DNMBP: variants seen among roughly 807,000 people sequenced by gnomAD.
The protein encoded by DNMBP is dynamin binding protein.
DNMBP carries 87 observed loss-of-function variants against 150.0 expected under a neutral mutation model. The observed-to-expected ratio is 0.58, with a 90% CI of 0.49 to 0.69. DNMBP has a LOEUF of 0.69. Ranked by LOEUF, DNMBP falls within the 30% of genes least tolerant of loss-of-function variation. DNMBP has a pLI of 0.00. For synonymous variants in DNMBP, 711 were observed against 750.4 expected (o/e 0.95, Z 0.86); for missense variants, 1,774 against 1,949.0 (o/e 0.91, Z 1.69).
intron 6 of DNMBP, among the ~76,000 whole-genome samples, chr10:99,900,878 G>A (rs1456629410): frequency 1.3e-5 from 2 of 152,138 alleles, no homozygotes; most frequent in Non-Finnish European, 2.9e-5. Flanking sequence ...ACTGGATAAA[G>A]TATATTACAT....
chr10:99,882,010 G>T (rs1259156880), intron 15 of DNMBP, among the ~76,000 whole-genome samples: 1 of 152,182 alleles, frequency 6.6e-6, no homozygotes, highest in Non-Finnish European at 1.5e-5. Flanking sequence ...CCCCAGCAGG[G>T]TCAGCACCCC....
chr10:99,958,640 G>A (rs2040526172), intron 3 of DNMBP, among the ~76,000 whole-genome samples: 1 of 152,194 alleles, frequency 6.6e-6, no homozygotes, highest in African/African-American at 2.4e-5. Flanking sequence ...GGGCTTGGCA[G>A]CTTTCCCATA....
intron 11 of DNMBP, among the ~76,000 whole-genome samples, chr10:99,890,800 T>G (rs933469008): frequency 6.6e-6 from 1 of 152,110 alleles, no homozygotes; most frequent in African/African-American, 2.4e-5. Flanking sequence ...GTGCCTGCCA[T>G]CATGCCCAGC....
At chr10:99,892,048 G>A (rs1271412511) in intron 11 of DNMBP, among the ~76,000 whole-genome samples, 1 of 138,358 alleles carries the variant, frequency 7.2e-6, no homozygotes. Context: ...GGAGGTGGGG[G>A]GGTCAGCTCC....
At position 99,894,960 on chromosome 10, in the gene DNMBP, G is replaced by A. The variant is rs748732699; in HGVS notation, c.3142C>T (p.Leu1048Phe). The A allele has an allele frequency of 1.2e-6, 2 of 1,613,488 alleles. No individual in the cohort carries two copies. The highest frequency in any genetic ancestry group is 2.2e-5 in the East Asian group (1 of 44,884). ...TTGATGCTCACCCGGATGTGCTGGAGGTAGAGAGACAGGTCTCGGATAAAA... is the reference window on the plus strand; with the variant it reads ...TTGATGCTCACCCGGATGTGCTGGAAGTAGAGAGACAGGTCTCGGATAAAA... The part of the protein sequence containing the change: ...KSFIRDLSLY[L>F]QHIRESACVK... Residue 1048 changes from leucine (L) to phenylalanine (F), a missense_variant, in exon 11 of 17, where the codon CTC (leucine) becomes TTC (phenylalanine). This residue lies in a region of DNMBP where 1,430 missense variants were observed against 1,492.5 expected (regional missense o/e 0.96). Transcript: ENST00000324109.
rs2039869620 is a variant in DNMBP, at chr10:99,909,162, G to A, written c.2261-16C>T. 4.4e-6 allele frequency: 7 copies of A among 1,606,836 alleles called. No individual in the cohort carries two copies. In the East Asian group the frequency reaches 6.7e-5, roughly 15 times the overall value. ...AGCGTCATTTCTAGAAGGGAAAAGAGAACTGGTTAGCAGCTCTGGGTGTAA... is the reference window on the plus strand; with the variant it reads ...AGCGTCATTTCTAGAAGGGAAAAGAAAACTGGTTAGCAGCTCTGGGTGTAA... On this transcript the variant is annotated splice_polypyrimidine_tract_variant and intron_variant, in intron 4 of 16. Coordinates refer to ENST00000324109, the MANE Select transcript of DNMBP (RefSeq NM_015221.4).
chr10:99,903,101 ATTTTTTTT>A (rs35462310), intron 6 of DNMBP, among the ~76,000 whole-genome samples: 116 of 134,442 alleles, frequency 8.6e-4, no homozygotes, highest in African/African-American at 3.1e-3. Context: ...CACCTGGGCA[ATTTTTTTT>A]TTTTTTTTTT....
intron 1 of DNMBP, among the ~76,000 whole-genome samples, chr10:100,007,290 C>T (rs1259052712): frequency 6.6e-6 from 1 of 152,228 alleles, no homozygotes; most frequent in Non-Finnish European, 1.5e-5. Flanking sequence ...TCTGTTTCCA[C>T]CCAATTAGAA....
intron 3 of DNMBP, among the ~76,000 whole-genome samples, chr10:99,961,267 C>CTT (rs555063019): frequency 4.1e-3 from 345 of 84,684 alleles, no homozygotes; most frequent in Middle Eastern, 0.014. Context: ...TTCCCTTTTT[C>CTT]TTTTTTTTTT....
chr10:99,992,153 C>T (rs1009118248), intron 1 of DNMBP, among the ~76,000 whole-genome samples: 3 of 151,064 alleles, frequency 2.0e-5, no homozygotes, highest in African/African-American at 7.3e-5. Context: ...AGTGGGAGGA[C>T]TGCTTGAGTC....
At position 99,987,509 on chromosome 10, in the gene DNMBP, G is replaced by A. The variant is rs1338644470; in HGVS notation, c.-10-15375C>T. Among the ~76,000 whole-genome samples the A allele has an allele frequency of 2.0e-5, 3 of 152,242 alleles. No homozygotes were observed. The South Asian group carries it at 6.2e-4, about 32-fold the overall frequency. On this transcript the variant is annotated intron_variant, in intron 1 of 16. Transcript: ENST00000324109. ...AGCACTTTGGGAGTCCAAGGCAGGTGGATCACCTGAGGTCAGGAGTTCGAG... is the reference window on the plus strand; with the variant it reads ...AGCACTTTGGGAGTCCAAGGCAGGTAGATCACCTGAGGTCAGGAGTTCGAG...
Position 99,908,944 on chromosome 10 carries a change from A to G in DNMBP, c.2454+9T>C. ...CAAGGTCAAACTAACTCTGTCTCCC[A>G]GTTCCCACCTGTGCCTGCTGCATGG... On this transcript the variant is annotated intron_variant, in intron 5 of 16. Coordinates refer to ENST00000324109, the MANE Select transcript of DNMBP (RefSeq NM_015221.4). The G allele has an allele frequency of 6.2e-7, 1 of 1,609,628 alleles. No individual in the cohort carries two copies. The highest frequency in any genetic ancestry group is 2.2e-5 in the East Asian group (1 of 44,818).
intron 4 of DNMBP, among the ~76,000 whole-genome samples, chr10:99,939,777 T>C (rs2040274245): frequency 6.6e-6 from 1 of 152,256 alleles, no homozygotes; most frequent in African/African-American, 2.4e-5. Context: ...GATAACGCCA[T>C]TACTGTAGAA....
intron 1 of DNMBP, among the ~76,000 whole-genome samples, chr10:99,988,019 C>T (rs558860131): frequency 3.9e-5 from 6 of 152,062 alleles, no homozygotes; most frequent in Non-Finnish European, 8.8e-5. Flanking sequence ...TGCTCAGAGG[C>T]AGGCGGGGGA....
intron 10 of DNMBP, 96 bp downstream of exon 10, chr10:99,896,171 G>T: frequency 7.0e-7 from 1 of 1,430,626 alleles, no homozygotes; most frequent in South Asian, 1.4e-5. Flanking sequence ...GACGTCTGAG[G>T]AAGGGAACCA....
intron 4 of DNMBP, among the ~76,000 whole-genome samples, chr10:99,947,958 T>C (rs1048439385): frequency 3.9e-5 from 6 of 152,182 alleles, no homozygotes; most frequent in African/African-American, 1.4e-4. Flanking sequence ...CAGCTTTCTA[T>C]AAATCTAAAA....
chr10:99,933,861 GCA>G (rs1187942563), intron 4 of DNMBP, among the ~76,000 whole-genome samples: 98 of 151,876 alleles, frequency 6.5e-4, no homozygotes, highest in African/African-American at 1.5e-3. Flanking sequence ...CTCAGCCTCC[GCA>G]GCAGCTGGGA....
At chr10:99,903,344 T>G (rs962136195) in intron 6 of DNMBP, among the ~76,000 whole-genome samples, 1 of 151,852 alleles carries the variant, frequency 6.6e-6, no homozygotes, top group Non-Finnish European at 1.5e-5. Flanking sequence ...TGTTTTGTTT[T>G]TTTTTAAGAG....
chr10:99,949,185 A>G (rs550383243), intron 4 of DNMBP, among the ~76,000 whole-genome samples: 2 of 152,066 alleles, frequency 1.3e-5, no homozygotes, highest in Non-Finnish European at 2.9e-5. Flanking sequence ...GAGGTAGAGC[A>G]GGCAATTCAA....
Sources: gnomAD v4.1 joint callset for allele counts (sites outside exome capture counted in the v4.1 genomes callset) on GRCh38, gnomAD v4.1.1 for gene constraint, gnomAD v4.1.1 regional missense constraint, MANE v1.5 for transcripts, NCBI Gene and HGNC (gene_info 2026-07-23, HGNC 2026-07-21) for gene names.